LRRK1: variants seen among roughly 807,000 people sequenced by gnomAD.
LRRK1 encodes leucine rich repeat kinase 1.
Under a neutral mutation model 209.1 loss-of-function variants are expected in LRRK1, and 113 were observed. The ratio of observed to expected loss-of-function variants is 0.54; its 90% CI spans 0.46 to 0.63. The LOEUF (loss-of-function observed/expected upper bound fraction) is 0.63, where lower values mean the gene tolerates loss of function less well. Ranked by LOEUF, LRRK1 falls within the 30% of genes least tolerant of loss-of-function variation. LRRK1 has a pLI of 0.00. For missense variants in LRRK1, 2,284 were observed against 2,632.2 expected (o/e 0.87, Z 2.89); for synonymous variants, 1,144 against 1,099.7 (o/e 1.04, Z -0.80).
Position 101,027,710 on chromosome 15 carries a change from G to T in LRRK1, c.2599G>T (p.Val867Leu), listed in dbSNP as rs374008052. The change falls in exon 19 of 34, where the codon GTG becomes TTG. Residue 867 changes from valine (V) to leucine (L), a missense_variant. Around this residue, in one of 6 missense-constraint regions of LRRK1, gnomAD observed 780 missense variants for 985.2 expected, o/e 0.79. Coordinates refer to ENST00000388948, the MANE Select transcript of LRRK1 (RefSeq NM_024652.6). This position sits in a 1 kb window ranked among gnomAD's most constrained non-coding sequence, Gnocchi z 5.1. ...EQQRRSRDDD[V>L]QYLTDRQLEQ... ...GCAGCGCCGCAGCCGGGACGACGAC[G>T]TGCAGTACCTGACGGACAGGCAGCT... 3 of 1,612,664 alleles carry T rather than the reference G, an allele frequency of 1.9e-6. No homozygotes were observed. The highest frequency in any genetic ancestry group is 1.7e-5 in the Admixed American group (1 of 59,822).
chr15:100,960,399 A>G (rs1447307653), intron 2 of LRRK1, among the ~76,000 whole-genome samples: 1 of 151,802 alleles, frequency 6.6e-6, no homozygotes, highest in African/African-American at 2.4e-5. Flanking sequence ...TTATAATCAC[A>G]ATCATCTTCC....
At chr15:100,968,989 C>T (rs2030679430) in intron 2 of LRRK1, among the ~76,000 whole-genome samples, 1 of 152,040 alleles carries the variant, frequency 6.6e-6, no homozygotes. Flanking sequence ...TACAGGTGTG[C>T]ACCACCATGC....
At chr15:100,999,269 T>G (rs2032576583) in intron 6 of LRRK1, among the ~76,000 whole-genome samples, 1 of 152,252 alleles carries the variant, frequency 6.6e-6, no homozygotes, top group South Asian at 2.1e-4. Flanking sequence ...AGTACAATGT[T>G]GCTTTTTGTT....
chr15:100,953,577 T>C (rs1333490645), intron 2 of LRRK1, among the ~76,000 whole-genome samples: 1 of 151,948 alleles, frequency 6.6e-6, no homozygotes, highest in Non-Finnish European at 1.5e-5. Context: ...TCTCTCTCCA[T>C]CTGTCAAAGG....
At chr15:100,961,006 T>A (rs917024916) in intron 2 of LRRK1, among the ~76,000 whole-genome samples, 1 of 152,216 alleles carries the variant, frequency 6.6e-6, no homozygotes, top group Non-Finnish European at 1.5e-5. Flanking sequence ...TAGTTCGTTT[T>A]CTGTTGCTAT....
chr15:100,972,982 C>G (rs1365464301), intron 2 of LRRK1, among the ~76,000 whole-genome samples: 1 of 152,128 alleles, frequency 6.6e-6, no homozygotes, highest in South Asian at 2.1e-4. Context: ...ACTTCGGAAG[C>G]CTGTCAGCCT....
chr15:101,046,297 C>G (rs758292072), intron 21 of LRRK1, 145 bp downstream of exon 21: 292 of 953,460 alleles, frequency 3.1e-4, no homozygotes, highest in Middle Eastern at 2.0e-3. Flanking sequence ...TGCCAGGGGG[C>G]AGGTGTGGCA....
rs1414160266 is a variant in LRRK1, at chr15:101,076,211, C to G, written c.*7363C>G. ...TGCAGCGGCTGCTGCCACCCTAATACTTTTAGAGGCCCTCAAAATCACAAA... is the reference window on the plus strand; with the variant it reads ...TGCAGCGGCTGCTGCCACCCTAATAGTTTTAGAGGCCCTCAAAATCACAAA... On this transcript the variant is annotated 3_prime_UTR_variant, in exon 34 of 34. Coordinates refer to ENST00000388948, the MANE Select transcript of LRRK1 (RefSeq NM_024652.6). 1 of 152,202 alleles carries G rather than the reference C, an allele frequency of 6.6e-6. No individual in the cohort carries two copies. Among genetic ancestry groups the G allele is most frequent in the Admixed American group, 6.5e-5 (1 of 15,288 alleles). 9.4% of individuals were successfully genotyped at this position (152,202 alleles called of 1,614,324 possible). A position where few individuals can be genotyped will look rare whatever the true frequency, so the allele number is the denominator to read the frequency against.
In LRRK1 at chr15:101,070,305, ACT is replaced by A. The variant is rs2036749018; in HGVS notation, c.*1460_*1461del. On this transcript the variant is annotated 3_prime_UTR_variant, in exon 34 of 34. Coordinates refer to ENST00000388948, the MANE Select transcript of LRRK1 (RefSeq NM_024652.6). Reference sequence around the variant, plus strand: ...AGGCTTGGAAAAAGCGAGTCCCCCCACTCTTTTTTTTTTTTTTTTTTTTTTTT... The same window carrying A: ...AGGCTTGGAAAAAGCGAGTCCCCCCACTTTTTTTTTTTTTTTTTTTTTTTT... The A allele has an allele frequency of 5.2e-5, 3 of 57,418 alleles. No homozygotes were observed. Among genetic ancestry groups the A allele is most frequent in the South Asian group, 1.1e-3 (2 of 1,812 alleles). The allele number at this position is 57,418 out of a possible 1,614,324, so 3.6% of individuals were successfully genotyped here.
At chr15:100,969,086 C>G (rs2030687376) in intron 2 of LRRK1, among the ~76,000 whole-genome samples, 1 of 152,186 alleles carries the variant, frequency 6.6e-6, no homozygotes, top group Non-Finnish European at 1.5e-5. Context: ...TGGATACACC[C>G]ACCTTGGCCT....
In LRRK1 at chr15:101,058,249, G is replaced by T. The variant is rs368144894; in HGVS notation, c.4679+108G>T. On this transcript the variant is annotated intron_variant, in intron 29 of 33. Coordinates refer to ENST00000388948, the MANE Select transcript of LRRK1 (RefSeq NM_024652.6). ...CCACAGTGAGAATTATTTAGCAGACGGTAGGGTCCAGAACCTGGTTAGACT... is the reference window on the plus strand; with the variant it reads ...CCACAGTGAGAATTATTTAGCAGACTGTAGGGTCCAGAACCTGGTTAGACT... 5.2e-6 allele frequency: 6 copies of T among 1,160,510 alleles called. No individual in the cohort carries two copies. The Admixed American group carries it at 8.8e-5, about 17-fold the overall frequency. The allele number at this position is 1,160,510 out of a possible 1,614,324, so 71.9% of individuals were successfully genotyped here.
rs143516107 is a variant in LRRK1, at chr15:101,031,889, C to T, written c.2963+2657C>T. Among the ~76,000 whole-genome samples the T allele has an allele frequency of 3.8e-3, 576 of 152,296 alleles. 2 individuals carry two copies. Among genetic ancestry groups the T allele is most frequent in the Middle Eastern group, 6.8e-3 (2 of 294 alleles). ...AGCTGGGACTACAGGCGCCCACCAC[C>T]GCGCCTGGCTAATTTTTTGTATTTT... On this transcript the variant is annotated intron_variant, in intron 20 of 33. Transcript: ENST00000388948.
At chr15:101,036,032 A>T (rs1352555125) in intron 20 of LRRK1, among the ~76,000 whole-genome samples, 3 of 152,174 alleles carry the variant, frequency 2.0e-5, no homozygotes, top group African/African-American at 7.2e-5. Flanking sequence ...TCTCTCTTTG[A>T]CTTTAGACAA....
Position 101,027,393 on chromosome 15 carries a change from G to T in LRRK1, c.2526+12G>T. On this transcript the variant is annotated intron_variant, in intron 18 of 33. Coordinates refer to ENST00000388948, the MANE Select transcript of LRRK1 (RefSeq NM_024652.6). The surrounding 1 kb of genome is among the most constrained non-coding windows in gnomAD (Gnocchi z 5.1). ...TGGCAGGGCGGCTGGTGGGTACCTT[G>T]CTGGTCCAGTTTAAACCAGTCTGCC... The T allele has an allele frequency of 6.2e-7, 1 of 1,612,086 alleles. No individual in the cohort carries two copies. The highest frequency in any genetic ancestry group is 1.7e-4 in the Middle Eastern group (1 of 5,998).
chr15:101,019,530 G>C (rs2033684719), intron 12 of LRRK1, among the ~76,000 whole-genome samples: 1 of 152,134 alleles, frequency 6.6e-6, no homozygotes, highest in African/African-American at 2.4e-5. Flanking sequence ...TCCAGGCATT[G>C]GTTTTGGTAT....
rs1205017619 is a variant in LRRK1, at chr15:100,962,818, TATA to T, written c.98-10985_98-10983del. 5.7e-4 allele frequency among the ~76,000 whole-genome samples: 19 copies of T among 33,342 alleles called. 1 individual carries two copies. The highest frequency in any genetic ancestry group is 1.7e-3 in the African/African-American group (15 of 9,016). The allele number at this position is 33,342 out of a possible 152,430, so 21.9% of individuals were successfully genotyped here. On this transcript the variant is annotated intron_variant, in intron 2 of 33. Coordinates refer to ENST00000388948, the MANE Select transcript of LRRK1 (RefSeq NM_024652.6). ...GCATATATATATATATATATATATA[TATA>T]TATTTTTTTTTTTTTTTTTGAGATG...
chr15:101,052,633 C>A (rs1410944695), intron 24 of LRRK1, among the ~76,000 whole-genome samples: 1 of 152,250 alleles, frequency 6.6e-6, no homozygotes, highest in Non-Finnish European at 1.5e-5. Context: ...GGGGTCCTTT[C>A]TCTACGGCCA....
At chr15:100,923,269 C>A (rs893391837) in intron 1 of LRRK1, among the ~76,000 whole-genome samples, 26 of 152,334 alleles carry the variant, frequency 1.7e-4, no homozygotes, top group African/African-American at 6.3e-4. Flanking sequence ...AACTGAGACA[C>A]ACATACCTTT....
chr15:100,966,096 A>G (rs1000871466), intron 2 of LRRK1, among the ~76,000 whole-genome samples: 1 of 152,254 alleles, frequency 6.6e-6, no homozygotes, highest in Non-Finnish European at 1.5e-5. Flanking sequence ...ATGAATAAGC[A>G]CAAGTAACTG....
Sources: allele counts gnomAD v4.1 joint callset (sites outside exome capture counted in the v4.1 genomes callset), GRCh38; gene constraint gnomAD v4.1.1; regional missense constraint gnomAD v4.1.1; non-coding constraint Gnocchi (gnomAD v3.1); transcripts MANE v1.5; gene names NCBI Gene and HGNC (gene_info 2026-07-23, HGNC 2026-07-21).